The following ARSH variants were observed in gnomAD, a reference collection of about 807,000 sequenced individuals.
The protein encoded by ARSH is arylsulfatase H.
Under a neutral mutation model 28.7 loss-of-function variants are expected in ARSH, and 32 were observed. That is an observed-to-expected ratio of 1.11 (90% CI 0.84 to 1.50). ARSH has a LOEUF of 1.50. ARSH is among the 40% of genes most tolerant of loss of function. ARSH has a pLI of 0.00. For missense variants in ARSH, 440 were observed against 452.4 expected (o/e 0.97, Z 0.25); for synonymous variants, 176 against 177.3 (o/e 0.99, Z 0.06).
At chrX:3,006,968 A>AT (rs1377003021) in intron 1 of ARSH, among the ~76,000 whole-genome samples, 2 of 111,093 alleles carry the variant, frequency 1.8e-5, no homozygotes, top group African/African-American at 6.5e-5. Context: ...TTGATCAGGC[A>AT]TGGCGGCTCA....
Position 3,007,478 on chromosome X carries a change from G to A in ARSH, c.92+774G>A, listed in dbSNP as rs191130986. On this transcript the variant is annotated intron_variant, in intron 1 of 8. Transcript: ENST00000381130. ...AAAGTATTTATTTTCTCAGGCTGCC[G>A]TGACAAAGGTCCACAGACTGGTTGG... 1.7e-3 allele frequency among the ~76,000 whole-genome samples: 189 copies of A among 111,415 alleles called. 1 individual carries two copies. Among genetic ancestry groups the A allele is most frequent in the Admixed American group, 0.017 (173 of 10,393 alleles).
At chrX:3,021,524 G>C (rs913702423) in intron 5 of ARSH, among the ~76,000 whole-genome samples, 7 of 110,949 alleles carry the variant, frequency 6.3e-5, no homozygotes, top group Non-Finnish European at 1.3e-4. Flanking sequence ...TTAACAATAT[G>C]AGTATAAAAC....
At chrX:3,009,965 G>A in intron 1 of ARSH, 65 bp from the exon 2 acceptor site, 1 of 1,163,265 alleles carries the variant, frequency 8.6e-7, no homozygotes, top group Non-Finnish European at 1.2e-6. Context: ...GAATAGCTTT[G>A]ATCCTTGATC....
At chrX:3,025,339 A>T (rs746856982) in intron 6 of ARSH, among the ~76,000 whole-genome samples, 179 of 105,694 alleles carry the variant, frequency 1.7e-3, no homozygotes, top group African/African-American at 5.9e-3. Flanking sequence ...TATTTACTAT[A>T]TTTATTGTAT....
intron 2 of ARSH, among the ~76,000 whole-genome samples, chrX:3,012,356 A>C (rs1207419210): frequency 9.8e-6 from 1 of 102,007 alleles, no homozygotes; most frequent in African/African-American, 3.6e-5. Flanking sequence ...CGGCCAACAT[A>C]GTGAAACCTC....
intron 4 of ARSH, among the ~76,000 whole-genome samples, chrX:3,015,712 G>A (rs1421481364): frequency 9.0e-6 from 1 of 110,652 alleles, no homozygotes; most frequent in Non-Finnish European, 1.9e-5. Flanking sequence ...GGGAGACAGG[G>A]AGACCAGGGG....
At chrX:3,024,732 A>T (rs1002700685) in intron 6 of ARSH, among the ~76,000 whole-genome samples, 7 of 111,217 alleles carry the variant, frequency 6.3e-5, no homozygotes, top group African/African-American at 2.3e-4. Flanking sequence ...TTTTCATTTG[A>T]CTGGGGTGCC....
chrX:3,007,030 C>G (rs2089829747), intron 1 of ARSH, among the ~76,000 whole-genome samples: 2 of 109,218 alleles, frequency 1.8e-5, no homozygotes, highest in Admixed American at 2.0e-4. Context: ...TTGCTTGAGC[C>G]CAGGAGTTTG....
Position 3,033,995 on chromosome X carries a change from T to G in ARSH, c.*610T>G, listed in dbSNP as rs1399026568. On this transcript the variant is annotated 3_prime_UTR_variant, in exon 9 of 9. Transcript: ENST00000381130. ...GTCTCTGTGATTTGGTTTCTTCATG[T>G]GTAAAATAAGGAAAACCAGTGTCTA... Among the ~76,000 whole-genome samples, 1 of 111,905 alleles carries G rather than the reference T, an allele frequency of 8.9e-6. No homozygotes were observed. The highest frequency in any genetic ancestry group is 1.9e-5 in the Non-Finnish European group (1 of 53,282).
intron 5 of ARSH, among the ~76,000 whole-genome samples, chrX:3,021,994 G>A (rs775487882): frequency 9.2e-6 from 1 of 109,107 alleles, no homozygotes; most frequent in East Asian, 2.9e-4. Flanking sequence ...TTCCCACCTC[G>A]GCCTCCCAAA....
chrX:3,028,445 G>A (rs1007356371), intron 7 of ARSH, among the ~76,000 whole-genome samples: 4 of 109,387 alleles, frequency 3.7e-5, no homozygotes, highest in Non-Finnish European at 5.7e-5. Context: ...TCTTGACCTC[G>A]TGATCCACCC....
At chrX:3,018,189 A>T (rs1260860132) in intron 4 of ARSH, among the ~76,000 whole-genome samples, 1 of 111,471 alleles carries the variant, frequency 9.0e-6, no homozygotes, top group Admixed American at 9.6e-5. Flanking sequence ...TGTAGAGACG[A>T]GGTCTTGCCA....
chrX:3,029,408 G>A (rs750240680), intron 8 of ARSH, 40 bp downstream of exon 8: 1 of 1,180,736 alleles, frequency 8.5e-7, no homozygotes, highest in African/African-American at 1.8e-5. Flanking sequence ...AGACGATAAG[G>A]GCCCGGTTCC....
At chrX:3,022,404 G>A (rs1017826776) in intron 5 of ARSH, among the ~76,000 whole-genome samples, 29 of 111,802 alleles carry the variant, frequency 2.6e-4, no homozygotes, top group Non-Finnish European at 5.4e-4. Flanking sequence ...CTAAAAAATA[G>A]TATATGTCAC....
Position 3,018,616 on chromosome X carries a change from C to T in ARSH, c.847C>T (p.Arg283Cys), listed in dbSNP as rs746052942. Residue 283 changes from arginine (R) to cysteine (C), a missense_variant, in exon 5 of 9, where the codon CGC becomes TGC. Arg to Cys is a radical substitution (Grantham distance 180). Coordinates refer to ENST00000381130, the MANE Select transcript of ARSH (RefSeq NM_001011719.2). ...PLISKKKFVG[R>C]SKYGRYGDNV... ...CATCTCCAAAAAGAAGTTTGTTGGG[C>T]GCAGTAAATATGGCAGGTATGGGGA... The T allele has an allele frequency of 1.5e-4, 186 of 1,208,383 alleles. No individual in the cohort carries two copies. In the South Asian group the frequency reaches 2.8e-3, roughly 18 times the overall value.
At chrX:3,014,597 T>C (rs1251249387) in intron 3 of ARSH, among the ~76,000 whole-genome samples, 1 of 111,296 alleles carries the variant, frequency 9.0e-6, no homozygotes, top group East Asian at 2.8e-4. Flanking sequence ...CTTGGTATTG[T>C]CCCCACCAAA....
chrX:3,008,134 G>C (rs12686935), intron 1 of ARSH, among the ~76,000 whole-genome samples: 1 of 111,634 alleles, frequency 9.0e-6, no homozygotes, highest in Non-Finnish European at 1.9e-5. Flanking sequence ...TGTTTTCAAG[G>C]TTCATTCATA....
chrX:3,007,341 A>G (rs1370346042), intron 1 of ARSH, among the ~76,000 whole-genome samples: 2 of 107,973 alleles, frequency 1.9e-5, no homozygotes, highest in African/African-American at 6.8e-5. Flanking sequence ...CGTCACCCCC[A>G]CAAAGAAGAC....
Position 3,008,134 on chromosome X carries a change from G to A in ARSH, c.92+1430G>A, listed in dbSNP as rs12686935. 0.047 allele frequency among the ~76,000 whole-genome samples: 5,223 copies of A among 111,672 alleles called. 512 individuals carry two copies. The East Asian group carries it at 0.51, about 11-fold the overall frequency. On this transcript the variant is annotated intron_variant, in intron 1 of 8. Transcript: ENST00000381130. Reference sequence around the variant, plus strand: ...TTTCACTTAGCGTGATGTTTTCAAGGTTCATTCATATTGTAGCATGCGTCA... The same window carrying A: ...TTTCACTTAGCGTGATGTTTTCAAGATTCATTCATATTGTAGCATGCGTCA...
Sources: gnomAD v4.1 joint callset for allele counts (sites outside exome capture counted in the v4.1 genomes callset) on GRCh38, gnomAD v4.1.1 for gene constraint, MANE v1.5 for transcripts, NCBI Gene and HGNC (gene_info 2026-07-23, HGNC 2026-07-21) for gene names.